TUSC3: variants seen among roughly 807,000 people sequenced by gnomAD.
TUSC3 encodes the protein tumor suppressor candidate 3.
TUSC3 carries 45 observed loss-of-function variants against 44.8 expected under a neutral mutation model. The ratio of observed to expected loss-of-function variants is 1.00; its 90% CI spans 0.79 to 1.29. TUSC3 has a LOEUF of 1.29. Ranked by LOEUF, TUSC3 falls within the 50% of genes most tolerant of loss-of-function variation. The probability of loss-of-function intolerance (pLI) is 0.00; values close to 1 mark genes in which losing one functional copy is unlikely to be tolerated. For missense variants in TUSC3, 519 were observed against 437.9 expected (o/e 1.19, Z -1.65); for synonymous variants, 212 against 152.9 (o/e 1.39, Z -2.85).
At chr8:15,596,457 T>C (rs1229167925) in intron 1 of TUSC3, among the ~76,000 whole-genome samples, 12 of 152,142 alleles carry the variant, frequency 7.9e-5, no homozygotes, top group Admixed American at 7.9e-4. Flanking sequence ...GTGCCAACTT[T>C]TCTTATATGC....
intron 1 of TUSC3, among the ~76,000 whole-genome samples, chr8:15,458,243 T>C (rs527571875): frequency 2.6e-5 from 4 of 152,128 alleles, no homozygotes; most frequent in Non-Finnish European, 5.9e-5. Flanking sequence ...TGCTTCTTTC[T>C]TTTTTTTCTT....
At chr8:15,536,159 G>A (rs1165144814), upstream of TUSC3, among the ~76,000 whole-genome samples, 3 of 152,144 alleles carry the variant, frequency 2.0e-5, no homozygotes, top group African/African-American at 4.8e-5. Flanking sequence ...ACAAAGTGTA[G>A]AGACAGAGTC....
chr8:15,750,795 C>T (rs975264053), intron 9 of TUSC3, among the ~76,000 whole-genome samples: 1 of 152,014 alleles, frequency 6.6e-6, no homozygotes, highest in African/African-American at 2.4e-5. Context: ...TCCCCACCAG[C>T]CTAACAGGAG....
chr8:15,456,413 A>G (rs1479909046), intron 1 of TUSC3, among the ~76,000 whole-genome samples: 1 of 152,188 alleles, frequency 6.6e-6, no homozygotes, highest in African/African-American at 2.4e-5. Context: ...ATAAAAGACC[A>G]ATTTAAAATG....
chr8:15,506,701 C>T (rs986036638), intron 2 of TUSC3, among the ~76,000 whole-genome samples: 7 of 152,090 alleles, frequency 4.6e-5, no homozygotes, highest in African/African-American at 1.4e-4. Flanking sequence ...ACGAGAACAG[C>T]GCAGGAAAAA....
chr8:15,622,575 C>T (rs1484773441), intron 1 of TUSC3, among the ~76,000 whole-genome samples: 1 of 152,200 alleles, frequency 6.6e-6, no homozygotes, highest in Non-Finnish European at 1.5e-5. Context: ...TGACTTTTAG[C>T]ACAGTACATC....
chr8:15,432,513 C>A (rs1799884535), intron 1 of TUSC3, among the ~76,000 whole-genome samples: 1 of 152,138 alleles, frequency 6.6e-6, no homozygotes. Flanking sequence ...GGTTCTGATG[C>A]TTGCTCTCTC....
At chr8:15,452,155 T>C (rs1006797311) in intron 1 of TUSC3, among the ~76,000 whole-genome samples, 5 of 152,328 alleles carry the variant, frequency 3.3e-5, no homozygotes, top group Middle Eastern at 3.4e-3. Context: ...TTGAGTGTTA[T>C]GTGTGAGAAA....
At position 15,710,963 on chromosome 8, in the gene TUSC3, G is replaced by A. The variant is rs541729583; in HGVS notation, c.799-19703G>A. Among the ~76,000 whole-genome samples, 22 of 151,182 alleles carry A rather than the reference G, an allele frequency of 1.5e-4. 1 individual carries two copies. In the South Asian group the frequency reaches 4.2e-3, roughly 29 times the overall value. On this transcript the variant is annotated intron_variant, in intron 6 of 10. Transcript: ENST00000503731. ...TTCCAGAATTTCACTTAACTTTGCAGTCAGTTAACTAATCTGCCACCCAAG... is the reference window on the plus strand; with the variant it reads ...TTCCAGAATTTCACTTAACTTTGCAATCAGTTAACTAATCTGCCACCCAAG...
chr8:15,838,965 C>T, the TUSC3 span, among the ~76,000 whole-genome samples: 35 of 152,214 alleles, frequency 2.3e-4, no homozygotes, highest in African/African-American at 6.7e-4. Context: ...GCCATTTTCA[C>T]GATATTGATT....
chr8:15,470,619 T>C (rs1456288874), intron 1 of TUSC3, among the ~76,000 whole-genome samples: 1 of 152,164 alleles, frequency 6.6e-6, no homozygotes, highest in African/African-American at 2.4e-5. Flanking sequence ...AAAGTGTATT[T>C]TAAAAGTAGT....
rs987957723 is a variant in TUSC3, at chr8:15,517,746, G to C, written n.189+34263G>C. ...GTTCACTTCAATTACATATTTCTGG[G>C]CTTCATGCTTTTTAAATTTCTTTAC... On this transcript the variant is annotated intron_variant and non_coding_transcript_variant, in intron 2 of 5. Transcript: ENST00000503191. Among the ~76,000 whole-genome samples the C allele has an allele frequency of 3.4e-4, 52 of 151,714 alleles. 1 individual carries two copies. The highest frequency in any genetic ancestry group is 1.1e-3 in the African/African-American group (47 of 41,306).
intron 1 of TUSC3, among the ~76,000 whole-genome samples, chr8:15,463,003 C>G (rs908685782): frequency 2.0e-4 from 30 of 151,574 alleles, no homozygotes; most frequent in African/African-American, 7.1e-4. Flanking sequence ...ATTTTGTTCT[C>G]TTCTCTTTAT....
intron 6 of TUSC3, among the ~76,000 whole-genome samples, chr8:15,720,250 A>ATATACCT (rs1186296136): frequency 6.6e-6 from 1 of 150,570 alleles, no homozygotes; most frequent in Non-Finnish European, 1.5e-5. Flanking sequence ...AACATTTCTC[A>ATATACCT]TATACCTTGA....
At chr8:15,848,630 T>A in the TUSC3 span, among the ~76,000 whole-genome samples, 1 of 152,174 alleles carries the variant, frequency 6.6e-6, no homozygotes, top group East Asian at 1.9e-4. Context: ...GTGGGTGATC[T>A]GTCTTATGGA....
chr8:15,573,222 A>ATC (rs1563297120), intron 1 of TUSC3, among the ~76,000 whole-genome samples: 58 of 139,622 alleles, frequency 4.2e-4, no homozygotes, highest in African/African-American at 1.5e-3. Flanking sequence ...ATATATATAT[A>ATC]TATATATAAA....
chr8:15,636,633 G>C (rs754048751), intron 2 of TUSC3, among the ~76,000 whole-genome samples: 11 of 152,200 alleles, frequency 7.2e-5, no homozygotes, highest in Admixed American at 3.3e-4. Context: ...CATTAGGTTT[G>C]TGTGTCCCCA....
At chr8:15,601,365 C>G (rs1034567214) in intron 1 of TUSC3, among the ~76,000 whole-genome samples, 3 of 151,636 alleles carry the variant, frequency 2.0e-5, no homozygotes, top group Middle Eastern at 3.2e-3. Flanking sequence ...GCCCAAGTGT[C>G]TAAAGCAACG....
chr8:15,813,495 G>A, the TUSC3 span, among the ~76,000 whole-genome samples: 1 of 150,796 alleles, frequency 6.6e-6, no homozygotes, highest in Non-Finnish European at 1.5e-5. Context: ...GAGCTTACTA[G>A]AAAGTACGAG....
Sources: allele counts gnomAD v4.1 joint callset (sites outside exome capture counted in the v4.1 genomes callset), GRCh38; gene constraint gnomAD v4.1.1; transcripts MANE v1.5; gene names NCBI Gene and HGNC (gene_info 2026-07-23, HGNC 2026-07-21).